The following DHRSX variants were observed in gnomAD, a reference collection of about 807,000 sequenced individuals.
DHRSX encodes polyprenol dehydrogenase.
Under a neutral mutation model 34.0 loss-of-function variants are expected in DHRSX, and 31 were observed. That is an observed-to-expected ratio of 0.91 (90% CI 0.69 to 1.23). DHRSX has a LOEUF of 1.23. DHRSX is among the 50% of genes most tolerant of loss of function. The probability of loss-of-function intolerance (pLI) is 0.00; values close to 1 mark genes in which losing one functional copy is unlikely to be tolerated. For missense variants in DHRSX, 414 were observed against 428.1 expected (o/e 0.97, Z 0.29); for synonymous variants, 201 against 183.8 (o/e 1.09, Z -0.76).
intron 1 of DHRSX, chrX:2,489,062 CAGA>C: frequency 1.9e-6 from 3 of 1,613,892 alleles, no homozygotes; most frequent in Admixed American, 1.7e-5. Context: ...GCCTGTCTGG[CAGA>C]AGATCTCGGC....
intron 2 of DHRSX, among the ~76,000 whole-genome samples, chrX:2,423,752 G>A (rs1471593789): frequency 6.6e-6 from 1 of 151,544 alleles, no homozygotes. Context: ...CCCCCACTCC[G>A]TCTCCATTGG....
intron 3 of DHRSX, among the ~76,000 whole-genome samples, chrX:2,299,931 TAC>T (rs1347709797): frequency 2.0e-5 from 3 of 151,558 alleles, no homozygotes; most frequent in South Asian, 2.1e-4. Context: ...AAGTCAGAAA[TAC>T]AGATTTCTGA....
intron 5 of DHRSX, among the ~76,000 whole-genome samples, chrX:2,245,507 A>G (rs1853315405): frequency 6.7e-6 from 1 of 148,920 alleles, no homozygotes; most frequent in South Asian, 2.2e-4. Context: ...ATGGGGTTTC[A>G]CCATGTTGGC....
chrX:2,421,017 T>C (rs1254797821), intron 2 of DHRSX, among the ~76,000 whole-genome samples: 1 of 152,168 alleles, frequency 6.6e-6, no homozygotes, highest in Non-Finnish European at 1.5e-5. Context: ...GTATACTATT[T>C]TACAAACCCT....
intron 3 of DHRSX, among the ~76,000 whole-genome samples, chrX:2,400,268 G>A (rs926421660): frequency 2.0e-5 from 3 of 152,096 alleles, no homozygotes; most frequent in Non-Finnish European, 2.9e-5. Flanking sequence ...CAGGGGTGTG[G>A]GGAGAATTCC....
intron 3 of DHRSX, among the ~76,000 whole-genome samples, chrX:2,396,040 G>A (rs1417163862): frequency 1.3e-5 from 2 of 152,054 alleles, no homozygotes; most frequent in African/African-American, 2.4e-5. Flanking sequence ...GGGCTCTCAG[G>A]AAGGGGCCTC....
rs761648636 is a variant in DHRSX at position 2,261,142 on chromosome X, G to A, written c.596+5598C>T. On this transcript the variant is annotated intron_variant, in intron 5 of 6. Coordinates refer to ENST00000334651, the MANE Select transcript of DHRSX (RefSeq NM_145177.3). ...GGAGAATCATTGGAACCCGGGAGGC[G>A]GAGGTTGCCGTGAGCCAAGATAGCA... Among the ~76,000 whole-genome samples, 9 of 152,222 alleles carry A rather than the reference G, an allele frequency of 5.9e-5. No homozygotes were observed. The South Asian group carries it at 8.3e-4, about 14-fold the overall frequency.
chrX:2,465,812 A>C (rs1473027250), intron 1 of DHRSX, among the ~76,000 whole-genome samples: 1 of 97,566 alleles, frequency 1.0e-5, no homozygotes, highest in Admixed American at 1.0e-4. Flanking sequence ...TCCATCGCAA[A>C]AAAAAAAAAA....
intron 3 of DHRSX, among the ~76,000 whole-genome samples, chrX:2,302,105 TAA>T (rs2042018982): frequency 6.6e-6 from 1 of 152,130 alleles, no homozygotes; most frequent in Non-Finnish European, 1.5e-5. Context: ...TAGGACACTT[TAA>T]ATAACACAAC....
At chrX:2,469,881 T>C (rs1335358669) in intron 1 of DHRSX, among the ~76,000 whole-genome samples, 18 of 152,080 alleles carry the variant, frequency 1.2e-4, no homozygotes, top group Non-Finnish European at 2.1e-4. Context: ...GTGTGCAGGA[T>C]CCAGACATCC....
intron 5 of DHRSX, among the ~76,000 whole-genome samples, chrX:2,244,685 A>T (rs760897872): frequency 5.4e-5 from 1 of 18,570 alleles, no homozygotes; most frequent in South Asian, 8.1e-4. Context: ...TGCTTCTTTT[A>T]TATATATATA....
At chrX:2,348,553 A>G (rs2042747900) in intron 3 of DHRSX, among the ~76,000 whole-genome samples, 1 of 152,166 alleles carries the variant, frequency 6.6e-6, no homozygotes, top group African/African-American at 2.4e-5. Context: ...AATAAGAAAG[A>G]GGTCCAGGCA....
chrX:2,299,455 G>C (rs778290563), intron 3 of DHRSX, among the ~76,000 whole-genome samples: 13 of 152,244 alleles, frequency 8.5e-5, no homozygotes, highest in Non-Finnish European at 1.8e-4. Flanking sequence ...AATGCAGAAA[G>C]TGAGTCTACA....
intron 3 of DHRSX, among the ~76,000 whole-genome samples, chrX:2,367,837 G>A (rs2043012126): frequency 6.6e-6 from 1 of 152,060 alleles, no homozygotes; most frequent in Non-Finnish European, 1.5e-5. Context: ...TCAAATGTGT[G>A]AAATGTTTTA....
rs1488347550 is a variant in DHRSX, at chrX:2,329,399, C to T, written c.287-37796G>A. ...AAACGCCATATTGGTTTTCTTCCAG[C>T]TCTCCAGCTCCAGCAGCACTGAGGC... On this transcript the variant is annotated intron_variant, in intron 3 of 6. Coordinates refer to ENST00000334651, the MANE Select transcript of DHRSX (RefSeq NM_145177.3). 2.6e-5 allele frequency among the ~76,000 whole-genome samples: 4 copies of T among 152,142 alleles called. No homozygotes were observed. In the East Asian group the frequency reaches 5.8e-4, roughly 22 times the overall value.
At position 2,369,401 on chromosome X, in the gene DHRSX, TTG is replaced by T. The variant is rs996250824; in HGVS notation, c.286+39342_286+39343del. 7.7e-4 allele frequency among the ~76,000 whole-genome samples: 117 copies of T among 152,314 alleles called. 1 individual carries two copies. Among genetic ancestry groups the T allele is most frequent in the Middle Eastern group, 3.4e-3 (1 of 294 alleles). Reference sequence around the variant, plus strand: ...ATTGAATCAGGCTTATCTTGATGTCTTGTGAGTCAACAAGATGCAGCTGGACT... The same window carrying T: ...ATTGAATCAGGCTTATCTTGATGTCTTGAGTCAACAAGATGCAGCTGGACT... On this transcript the variant is annotated intron_variant, in intron 3 of 6. Transcript: ENST00000334651.
At chrX:2,347,354 T>C (rs1351968036) in intron 3 of DHRSX, among the ~76,000 whole-genome samples, 1 of 152,152 alleles carries the variant, frequency 6.6e-6, no homozygotes, top group East Asian at 1.9e-4. Context: ...CCCCCATGAT[T>C]CGGTTACCTC....
At chrX:2,404,054 A>G in intron 3 of DHRSX, among the ~76,000 whole-genome samples, 1 of 152,280 alleles carries the variant, frequency 6.6e-6, no homozygotes, top group East Asian at 1.9e-4. Context: ...AAAAGTCATG[A>G]GAAAAGAATG....
chrX:2,369,013 A>C (rs1026671561), intron 3 of DHRSX, among the ~76,000 whole-genome samples: 7 of 152,212 alleles, frequency 4.6e-5, no homozygotes, highest in African/African-American at 1.7e-4. Flanking sequence ...TTCTGTGTAA[A>C]TTAAAAGCCA....
Sources: allele counts gnomAD v4.1 joint callset (sites outside exome capture counted in the v4.1 genomes callset), GRCh38; gene constraint gnomAD v4.1.1; transcripts MANE v1.5; gene names NCBI Gene and HGNC (gene_info 2026-07-23, HGNC 2026-07-21).